MCTP1: variants seen among roughly 807,000 people sequenced by gnomAD.
The protein encoded by MCTP1 is multiple C2 and transmembrane domain containing 1.
Under a neutral mutation model 120.6 loss-of-function variants are expected in MCTP1, and 69 were observed. That is an observed-to-expected ratio of 0.57 (90% confidence interval 0.47 to 0.70). The LOEUF (loss-of-function observed/expected upper bound fraction) is 0.70. Ranked by LOEUF, MCTP1 falls within the 30% of genes least tolerant of loss-of-function variation. MCTP1 has a pLI of 0.00. For missense variants in MCTP1, 1,203 were observed against 1,248.8 expected, an observed-to-expected ratio of 0.96 and a Z score of 0.55; for synonymous variants, 529 against 493.1, an observed-to-expected ratio of 1.07 and a Z score of -0.96.
intron 1 of MCTP1, among the ~76,000 whole-genome samples, chr5:95,093,930 A>G (rs2152347254): frequency 6.6e-6 from 1 of 152,316 alleles, no homozygotes; most frequent in Admixed American, 6.5e-5. Context: ...GCTCATGGAG[A>G]GGTCTACGTG....
At chr5:95,060,537 A>T (rs769375216) in intron 1 of MCTP1, among the ~76,000 whole-genome samples, 1 of 152,238 alleles carries the variant, frequency 6.6e-6, no homozygotes, top group Non-Finnish European at 1.5e-5. Flanking sequence ...TTTTGCAGAT[A>T]TACCAAAGAA....
intron 17 of MCTP1, among the ~76,000 whole-genome samples, chr5:94,864,264 C>T (rs73136003): frequency 0.038 from 5,776 of 151,920 alleles, 149 homozygotes; most frequent in Non-Finnish European, 0.055. Context: ...TCAAACATGC[C>T]GTTTTTGGAA....
intron 1 of MCTP1, among the ~76,000 whole-genome samples, chr5:95,021,941 A>G (rs150888586): frequency 3.5e-4 from 54 of 152,296 alleles, no homozygotes; most frequent in African/African-American, 1.2e-3. Flanking sequence ...GCTTTAAAAA[A>G]AGCACTGCTG....
intron 1 of MCTP1, among the ~76,000 whole-genome samples, chr5:95,222,957 G>T (rs1460842823): frequency 6.6e-6 from 1 of 152,218 alleles, no homozygotes; most frequent in African/African-American, 2.4e-5. Flanking sequence ...CATGAGAGAC[G>T]ATGGTGTGGA....
intron 17 of MCTP1, among the ~76,000 whole-genome samples, chr5:94,823,426 A>G (rs1786149195): frequency 6.6e-6 from 1 of 152,216 alleles, no homozygotes; most frequent in South Asian, 2.1e-4. Flanking sequence ...TACCAGTACC[A>G]TGCCACTTTG....
At chr5:94,863,628 C>T (rs10068653) in intron 17 of MCTP1, among the ~76,000 whole-genome samples, 9,747 of 151,840 alleles carry the variant, frequency 0.064, 827 homozygotes, top group African/African-American at 0.2. Context: ...TCCTTGATCA[C>T]GAAAGACACT....
At chr5:94,736,848 C>T (rs967031148) in intron 19 of MCTP1, among the ~76,000 whole-genome samples, 7 of 152,142 alleles carry the variant, frequency 4.6e-5, no homozygotes, top group African/African-American at 1.4e-4. Context: ...GAGGTCACTG[C>T]ATTATTTTTT....
At chr5:95,159,663 T>A (rs1745502429) in intron 1 of MCTP1, among the ~76,000 whole-genome samples, 1 of 152,118 alleles carries the variant, frequency 6.6e-6, no homozygotes, top group Non-Finnish European at 1.5e-5. Context: ...TCAGAATTTC[T>A]GAAGCACAAC....
chr5:95,189,075 C>T (rs561089388), intron 1 of MCTP1, among the ~76,000 whole-genome samples: 2 of 152,148 alleles, frequency 1.3e-5, no homozygotes, highest in Admixed American at 1.3e-4. Context: ...AGTCCTAGAC[C>T]GGAAATAACC....
At chr5:94,834,720 G>GTT (rs1789310480) in intron 17 of MCTP1, among the ~76,000 whole-genome samples, 1 of 151,944 alleles carries the variant, frequency 6.6e-6, no homozygotes, top group South Asian at 2.1e-4. Flanking sequence ...GAGTGTGGAG[G>GTT]GTCTAACCCA....
At chr5:95,136,390 CT>C (rs1562171904) in intron 1 of MCTP1, among the ~76,000 whole-genome samples, 1 of 152,158 alleles carries the variant, frequency 6.6e-6, no homozygotes, top group African/African-American at 2.4e-5. Context: ...CTTGGTATCT[CT>C]GATTTGTGAT....
chr5:94,819,510 G>A (rs1785200049), intron 17 of MCTP1, among the ~76,000 whole-genome samples: 1 of 152,160 alleles, frequency 6.6e-6, no homozygotes, highest in Admixed American at 6.5e-5. Context: ...CAGAAAGGTT[G>A]AGATAAACAC....
At chr5:95,103,314 A>T (rs1253265734) in intron 1 of MCTP1, among the ~76,000 whole-genome samples, 1 of 152,020 alleles carries the variant, frequency 6.6e-6, no homozygotes, top group African/African-American at 2.4e-5. Context: ...AATAAATGAA[A>T]TTATATATTT....
chr5:95,096,854 C>T (rs531209116), intron 1 of MCTP1, among the ~76,000 whole-genome samples: 2 of 152,138 alleles, frequency 1.3e-5, no homozygotes, highest in Non-Finnish European at 2.9e-5. Flanking sequence ...AGCTCCCAAG[C>T]CATCAATGAA....
chr5:95,031,698 G>A (rs544687479), intron 1 of MCTP1, among the ~76,000 whole-genome samples: 4 of 151,980 alleles, frequency 2.6e-5, no homozygotes. Flanking sequence ...TAAGTACAAG[G>A]CTCGGCTAAC....
intron 1 of MCTP1, among the ~76,000 whole-genome samples, chr5:95,032,570 T>A (rs1349397103): frequency 1.3e-5 from 2 of 151,964 alleles, no homozygotes; most frequent in Non-Finnish European, 2.9e-5. Flanking sequence ...TACCCGAACC[T>A]CTGGAATACA....
intron 1 of MCTP1, among the ~76,000 whole-genome samples, chr5:95,241,862 C>T (rs1292939951): frequency 2.0e-5 from 3 of 152,064 alleles, no homozygotes; most frequent in African/African-American, 7.2e-5. Context: ...CACAATTCCG[C>T]AAAGCAAAAT....
At chr5:94,818,968 T>C (rs924640890) in intron 17 of MCTP1, among the ~76,000 whole-genome samples, 1 of 152,208 alleles carries the variant, frequency 6.6e-6, no homozygotes, top group Non-Finnish European at 1.5e-5. Flanking sequence ...TATTTTAGTG[T>C]CATAATTTCC....
At chr5:95,186,119 A>G (rs1749178325) in intron 1 of MCTP1, among the ~76,000 whole-genome samples, 1 of 152,128 alleles carries the variant, frequency 6.6e-6, no homozygotes, top group Admixed American at 6.5e-5. Flanking sequence ...TAAATAAAAT[A>G]AAAATAAAAC....
Sources: allele counts gnomAD v4.1 joint callset (sites outside exome capture counted in the v4.1 genomes callset), GRCh38; gene constraint gnomAD v4.1.1; transcripts MANE v1.5; gene names NCBI Gene and HGNC (gene_info 2026-07-23, HGNC 2026-07-21).